Variants in MFHAS1 observed in about 807,000 individuals in gnomAD.
MFHAS1 encodes multifunctional ROCO family signaling regulator 1.
A neutral mutation model predicts 70.4 loss-of-function variants in MFHAS1; 50 were observed. That is an observed-to-expected ratio of 0.71 (90% confidence interval 0.57 to 0.90). The LOEUF (loss-of-function observed/expected upper bound fraction) is 0.90. Ranked by LOEUF, MFHAS1 falls within the 40% of genes least tolerant of loss-of-function variation. MFHAS1 has a pLI of 0.00. For synonymous variants in MFHAS1, 952 were observed against 620.0 expected (o/e 1.54, Z -7.96); for missense variants, 1,795 against 1,347.6 (o/e 1.33, Z -5.20).
At chr8:8,882,484 C>T (rs926482708) in intron 1 of MFHAS1, among the ~76,000 whole-genome samples, 1 of 151,874 alleles carries the variant, frequency 6.6e-6, no homozygotes, top group Non-Finnish European at 1.5e-5. Context: ...TGGTGGCACA[C>T]GCCTGTAATC....
In MFHAS1 at chr8:8,829,747, G is replaced by A. The variant is rs1009786205; in HGVS notation, c.2999-32256C>T. On this transcript the variant is annotated intron_variant, in intron 1 of 2. Coordinates refer to ENST00000276282, the MANE Select transcript of MFHAS1 (RefSeq NM_004225.3). The stretch of plus-strand genomic sequence containing the variant: ...ATTGCGTGGGGTATCCTCAGTGCCT[G>A]ACACAATGGCAGGACCAATGGATGA... Among the ~76,000 whole-genome samples the A allele has an allele frequency of 5.3e-5, 8 of 152,184 alleles. No homozygotes were observed. The East Asian group carries it at 1.5e-3, about 29-fold the overall frequency.
chr8:8,848,108 C>G (rs1234810910), intron 1 of MFHAS1, among the ~76,000 whole-genome samples: 1 of 152,208 alleles, frequency 6.6e-6, no homozygotes, highest in African/African-American at 2.4e-5. Flanking sequence ...CGGCTGCTTT[C>G]CACCCAGCCC....
At chr8:8,880,912 T>C (rs999400782) in intron 1 of MFHAS1, among the ~76,000 whole-genome samples, 26 of 152,126 alleles carry the variant, frequency 1.7e-4, no homozygotes, top group African/African-American at 6.3e-4. Flanking sequence ...CTCGAACTCC[T>C]GACCTCAAGT....
chr8:8,831,151 C>G (rs1358055406), intron 1 of MFHAS1, among the ~76,000 whole-genome samples: 2 of 151,894 alleles, frequency 1.3e-5, no homozygotes, highest in Middle Eastern at 6.8e-3. Flanking sequence ...AGTGGGCTCT[C>G]GGGGGTCTCT....
At chr8:8,860,888 T>C (rs777673708) in intron 1 of MFHAS1, among the ~76,000 whole-genome samples, 1 of 152,228 alleles carries the variant, frequency 6.6e-6, no homozygotes. Flanking sequence ...TACATATTTA[T>C]GTATACATAC....
intron 1 of MFHAS1, among the ~76,000 whole-genome samples, chr8:8,874,371 CACAT>C (rs1241385187): frequency 9.4e-5 from 12 of 127,078 alleles, no homozygotes; most frequent in African/African-American, 3.6e-4. Flanking sequence ...CACACACACA[CACAT>C]AATAATCTTC....
rs1445339839 is a variant in MFHAS1 at position 8,784,182 on chromosome 8, A to C, written c.*1840T>G. ...AAGACAGGTCAAAGTTGGTTAATTTAACAGTTGAGGAACCGTCTCATGCCA... is the reference window on the plus strand; with the variant it reads ...AAGACAGGTCAAAGTTGGTTAATTTCACAGTTGAGGAACCGTCTCATGCCA... On this transcript the variant is annotated 3_prime_UTR_variant, in exon 3 of 3. Coordinates refer to ENST00000276282, the MANE Select transcript of MFHAS1 (RefSeq NM_004225.3). 6 of 152,224 alleles carry C rather than the reference A, an allele frequency of 3.9e-5. No individual in the cohort carries two copies. The highest frequency in any genetic ancestry group is 8.8e-5 in the Non-Finnish European group (6 of 68,040). The allele number at this position is 152,224 out of a possible 1,614,324, so 9.4% of individuals were successfully genotyped here. A position where few individuals can be genotyped will look rare whatever the true frequency, so the allele number is the denominator to read the frequency against.
chr8:8,871,460 G>C (rs1036057445), intron 1 of MFHAS1, among the ~76,000 whole-genome samples: 2 of 152,172 alleles, frequency 1.3e-5, no homozygotes, highest in African/African-American at 2.4e-5. Flanking sequence ...TGAGGCACAA[G>C]AATCATTTGA....
rs147767530 is a variant in MFHAS1, at chr8:8,891,916, G to C, written c.1143C>G (p.Pro381=). The change falls in exon 1 of 3, where the codon CCC becomes CCG. Residue 381 remains proline (P), a synonymous_variant. Transcript: ENST00000276282. This position sits in a 1 kb window ranked among gnomAD's most constrained non-coding sequence, Gnocchi z 5.4. ...KIKDNPLIQP[P]YEVCMKGIPY... is the part of the protein sequence containing the mutation. ...GGATCCCCTTCATGCAGACCTCGTA[G>C]GGGGGCTGGATCAGTGGGTTGTCTT... 2 of 1,610,584 alleles carry C rather than the reference G, an allele frequency of 1.2e-6. No homozygotes were observed. Among genetic ancestry groups the C allele is most frequent in the Non-Finnish European group, 1.7e-6 (2 of 1,178,200 alleles).
In MFHAS1 at chr8:8,892,724, T is replaced by C; in HGVS notation, c.335A>G (p.His112Arg). The C allele has an allele frequency of 7.2e-7, 1 of 1,379,358 alleles. No individual in the cohort carries two copies. Among genetic ancestry groups the C allele is most frequent in the South Asian group, 1.2e-5 (1 of 83,104 alleles). 85.4% of individuals were successfully genotyped at this position (1,379,358 alleles called of 1,614,324 possible). A position where few individuals can be genotyped will look rare whatever the true frequency, so the allele number is the denominator to read the frequency against. ...GTGGCTCACGTCCAGCTCGGTGAGG[T>C]GGTGGCCGAGCTCGGCCACCGCCGG... ...LPPAVAELGH[H>R]LTELDVSHNR... is the part of the protein sequence containing the mutation. Residue 112 changes from histidine to arginine, a missense_variant, in exon 1 of 3, where the codon CAC (histidine) becomes CGC (arginine). Transcript: ENST00000276282. This position sits in a 1 kb window ranked among gnomAD's most constrained non-coding sequence, Gnocchi z 4.7.
chr8:8,862,809 C>T (rs184801022), intron 1 of MFHAS1, among the ~76,000 whole-genome samples: 199 of 152,242 alleles, frequency 1.3e-3, no homozygotes, highest in African/African-American at 4.3e-3. Context: ...GAGGAGGCTG[C>T]GCATGTGTGG....
At chr8:8,823,882 G>C (rs767215097) in intron 1 of MFHAS1, among the ~76,000 whole-genome samples, 1 of 129,990 alleles carries the variant, frequency 7.7e-6, no homozygotes, top group East Asian at 2.2e-4. Context: ...TAGCCACGTC[G>C]TGCATAATGT....
At chr8:8,806,333 C>G (rs532325751) in intron 1 of MFHAS1, among the ~76,000 whole-genome samples, 1 of 152,268 alleles carries the variant, frequency 6.6e-6, no homozygotes, top group Non-Finnish European at 1.5e-5. Flanking sequence ...TGAGGCTCTA[C>G]CAGACACAAA....
At chr8:8,858,931 T>C (rs1378710875) in intron 1 of MFHAS1, among the ~76,000 whole-genome samples, 1 of 152,224 alleles carries the variant, frequency 6.6e-6, no homozygotes, top group Non-Finnish European at 1.5e-5. Flanking sequence ...AGATATCTGT[T>C]TTATATTTCT....
intron 1 of MFHAS1, among the ~76,000 whole-genome samples, chr8:8,844,980 A>G (rs563309449): frequency 1.6e-4 from 24 of 152,350 alleles, no homozygotes; most frequent in Admixed American, 5.2e-4. Context: ...ACAAAAGAAG[A>G]AGAAGAAGAA....
intron 1 of MFHAS1, among the ~76,000 whole-genome samples, chr8:8,798,935 C>G (rs1585021139): frequency 6.6e-6 from 1 of 152,170 alleles, no homozygotes; most frequent in East Asian, 1.9e-4. Flanking sequence ...GTAGTCCCAG[C>G]TACCCAGGAG....
At chr8:8,798,866 G>A (rs1392852265) in intron 1 of MFHAS1, among the ~76,000 whole-genome samples, 3 of 152,002 alleles carry the variant, frequency 2.0e-5, no homozygotes, top group Non-Finnish European at 4.4e-5. Context: ...GGCCAATAAG[G>A]TGAAACTCCA....
rs1251598245 is a variant in MFHAS1, at chr8:8,893,587, G to C, written c.-529C>G. The stretch of plus-strand genomic sequence containing the variant: ...TTCCCCGGGCTCGGGCGGGAGCGCG[G>C]GCGCCGCGTCCCCGGCGCTGGGAGG... On this transcript the variant is annotated 5_prime_UTR_variant, in exon 1 of 3. Transcript: ENST00000276282. The C allele has an allele frequency of 6.8e-6, 1 of 146,514 alleles. No individual in the cohort carries two copies. The highest frequency in any genetic ancestry group is 1.5e-5 in the Non-Finnish European group (1 of 65,824). 9.1% of individuals were successfully genotyped at this position (146,514 alleles called of 1,614,324 possible).
chr8:8,810,654 A>G (rs538894868), intron 1 of MFHAS1, among the ~76,000 whole-genome samples: 47 of 152,362 alleles, frequency 3.1e-4, no homozygotes, highest in African/African-American at 6.7e-4. Flanking sequence ...TATATAATAC[A>G]TAAAACATAC....
Sources: gnomAD v4.1 joint callset for allele counts (sites outside exome capture counted in the v4.1 genomes callset) on GRCh38, gnomAD v4.1.1 for gene constraint, Gnocchi (gnomAD v3.1) non-coding constraint, MANE v1.5 for transcripts, NCBI Gene and HGNC (gene_info 2026-07-23, HGNC 2026-07-21) for gene names.